The following TRPM1 variants were observed in gnomAD, a reference collection of about 807,000 sequenced individuals.
The protein encoded by TRPM1 is transient receptor potential cation channel subfamily M member 1, also known as TRPM1-203 APA Isoform, Intron 10.
In TRPM1, 113 loss-of-function variants were observed where a neutral mutation model predicts 149.4. The ratio of observed to expected loss-of-function variants is 0.76; its 90% CI spans 0.65 to 0.88. The LOEUF (loss-of-function observed/expected upper bound fraction) is 0.88. Among genes scored for constraint, TRPM1 ranks in the 40% least tolerant of loss-of-function variants. TRPM1 has a pLI of 0.00. For synonymous variants in TRPM1, 741 were observed against 759.5 expected (o/e 0.98, Z 0.40); for missense variants, 1,976 against 2,038.7 (o/e 0.97, Z 0.59).
chr15:31,117,055 T>C (rs916329915), intron 1 of TRPM1, among the ~76,000 whole-genome samples: 1 of 152,158 alleles, frequency 6.6e-6, no homozygotes, highest in African/African-American at 2.4e-5. Flanking sequence ...ACAATTAATA[T>C]ACTAAGGGTT....
At chr15:31,005,478 G>T (rs1009262903) in intron 27 of TRPM1, among the ~76,000 whole-genome samples, 1 of 151,306 alleles carries the variant, frequency 6.6e-6, no homozygotes, top group Non-Finnish European at 1.5e-5. Context: ...CCTCCCCTCT[G>T]CATTGAATCA....
chr15:31,016,986 CACAAAA>C (rs894074456), intron 27 of TRPM1, among the ~76,000 whole-genome samples: 1 of 100,284 alleles, frequency 1.0e-5, no homozygotes, highest in African/African-American at 3.9e-5. Context: ...CACACACACA[CACAAAA>C]AAAAAACTTG....
At chr15:31,113,788 G>A (rs1202490429) in intron 1 of TRPM1, among the ~76,000 whole-genome samples, 4 of 152,152 alleles carry the variant, frequency 2.6e-5, no homozygotes, top group East Asian at 1.9e-4. Context: ...CTTAAAGGTG[G>A]CAAGGACCCA....
chr15:31,072,083 C>G (rs1036154753), intron 3 of TRPM1, among the ~76,000 whole-genome samples: 1 of 142,032 alleles, frequency 7.0e-6, no homozygotes, highest in African/African-American at 2.7e-5. Flanking sequence ...CAGATATGTG[C>G]AACCATCATC....
chr15:31,157,830 G>A (rs1046874459), intron 1 of TRPM1, among the ~76,000 whole-genome samples: 2 of 152,124 alleles, frequency 1.3e-5, no homozygotes, highest in African/African-American at 4.8e-5. Flanking sequence ...TACAAATAGA[G>A]GGCCAGGCGA....
intron 25 of TRPM1, among the ~76,000 whole-genome samples, chr15:31,027,510 G>A (rs1422992609): frequency 6.6e-6 from 1 of 152,016 alleles, no homozygotes; most frequent in Non-Finnish European, 1.5e-5. Flanking sequence ...GAATTAATTA[G>A]TTATTGAACT....
In TRPM1 at chr15:31,128,913, C is replaced by A. The variant is rs371793345; in HGVS notation, c.54+31993G>T. On this transcript the variant is annotated intron_variant, in intron 1 of 26. Coordinates refer to the TRPM1 transcript ENST00000542188. ...TAGCTAATTCAGATGAAAGCCCCCC[C>A]GCTCCGGCTTCCAGTCAGAGGTGGC... Among the ~76,000 whole-genome samples, 3 of 152,278 alleles carry A rather than the reference C, an allele frequency of 2.0e-5. No individual in the cohort carries two copies. In the South Asian group the frequency reaches 6.2e-4, roughly 31 times the overall value.
intron 1 of TRPM1, among the ~76,000 whole-genome samples, chr15:31,156,591 G>A (rs1200922312): frequency 6.6e-6 from 1 of 152,064 alleles, no homozygotes; most frequent in African/African-American, 2.4e-5. Context: ...CCACCTATGT[G>A]ACCTGTGGGC....
At chr15:31,090,715 C>T (rs1012665604) in intron 1 of TRPM1, among the ~76,000 whole-genome samples, 7 of 151,754 alleles carry the variant, frequency 4.6e-5, no homozygotes, top group African/African-American at 1.7e-4. Context: ...TGCTGGAAAG[C>T]TTTACTATTA....
intron 1 of TRPM1, among the ~76,000 whole-genome samples, chr15:31,089,997 T>A (rs558181078): frequency 6.6e-6 from 1 of 152,076 alleles, no homozygotes; most frequent in South Asian, 2.1e-4. Context: ...TTAAAACAAA[T>A]GAAAAAACCC....
chr15:31,042,270 G>A (rs1216002256), intron 16 of TRPM1, 27 bp from the exon 17 acceptor site: 1 of 1,552,090 alleles, frequency 6.4e-7, no homozygotes, highest in African/African-American at 1.4e-5. Context: ...GGATTTCATG[G>A]TTTTGCCATA....
At chr15:31,071,659 A>G (rs2034542680) in intron 3 of TRPM1, among the ~76,000 whole-genome samples, 2 of 151,756 alleles carry the variant, frequency 1.3e-5, no homozygotes, top group African/African-American at 4.8e-5. Flanking sequence ...TACATAATCA[A>G]CCCATTTCAA....
At position 31,022,660 on chromosome 15, in the gene TRPM1, G is replaced by C. The variant is rs994211894; in HGVS notation, c.3629+3479C>G. On this transcript the variant is annotated intron_variant, in intron 27 of 27. Transcript: ENST00000256552. The stretch of plus-strand genomic sequence containing the variant: ...TAAAACCAGTGTCTTGAACCTGGAG[G>C]GAGCATAGCTGGTTTCCTTTTTGAT... 3.9e-5 allele frequency among the ~76,000 whole-genome samples: 6 copies of C among 152,300 alleles called. No individual in the cohort carries two copies. The East Asian group carries it at 1.2e-3, about 29-fold the overall frequency.
chr15:31,119,276 T>G (rs1428369436), intron 1 of TRPM1, among the ~76,000 whole-genome samples: 2 of 111,474 alleles, frequency 1.8e-5, no homozygotes, highest in African/African-American at 3.0e-5. Context: ...ATAAATAAAC[T>G]TATCTATAGA....
At chr15:31,139,234 A>G (rs1403624128) in intron 1 of TRPM1, among the ~76,000 whole-genome samples, 1 of 152,214 alleles carries the variant, frequency 6.6e-6, no homozygotes, top group East Asian at 1.9e-4. Context: ...TTTAGAAATT[A>G]GAGATGTAGG....
intron 27 of TRPM1, among the ~76,000 whole-genome samples, chr15:31,021,354 A>C (rs538531252): frequency 4.1e-4 from 62 of 152,266 alleles, no homozygotes; most frequent in African/African-American, 1.4e-3. Context: ...GAGGATGCCA[A>C]ATAAAAAGAT....
rs866726168 is a variant in TRPM1, at chr15:31,145,194, C to T, written c.54+15712G>A. Among the ~76,000 whole-genome samples the T allele has an allele frequency of 1.0e-3, 159 of 152,250 alleles. 1 individual carries two copies. Among genetic ancestry groups the T allele is most frequent in the Middle Eastern group, 6.8e-3 (2 of 294 alleles). ...AAATCTCAAGGGAACGTCTCATGCC[C>T]TTGATGTGTGAGCCACACAGAGTTC... On this transcript the variant is annotated intron_variant, in intron 1 of 26. Coordinates refer to the TRPM1 transcript ENST00000542188.
upstream of TRPM1, among the ~76,000 whole-genome samples, chr15:31,103,071 G>A (rs1374382629): frequency 1.3e-5 from 2 of 152,262 alleles, no homozygotes; most frequent in East Asian, 3.8e-4. Context: ...ATGGGGAAGT[G>A]AGCTGATGGC....
intron 20 of TRPM1, among the ~76,000 whole-genome samples, chr15:31,036,539 G>A (rs532024454): frequency 1.4e-4 from 22 of 152,148 alleles, no homozygotes; most frequent in Admixed American, 1.3e-3. Context: ...AGAAAGATTA[G>A]AGCCATGTTC....
Sources: allele counts gnomAD v4.1 joint callset (sites outside exome capture counted in the v4.1 genomes callset), GRCh38; gene constraint gnomAD v4.1.1; transcripts MANE v1.5; gene names NCBI Gene and HGNC (gene_info 2026-07-23, HGNC 2026-07-21).